The following TTN variants were observed in gnomAD, a reference collection of about 807,000 sequenced individuals.
TTN encodes titin.
TTN carries 1,525 observed loss-of-function variants against 3,223.0 expected under a neutral mutation model. The ratio of observed to expected loss-of-function variants is 0.47; its 90% CI spans 0.45 to 0.49. The LOEUF is 0.49. Ranked by LOEUF, TTN falls within the 20% of genes least tolerant of loss-of-function variation. The pLI is 0.00. For missense variants in TTN, 40,786 were observed against 43,424.0 expected, an observed-to-expected ratio of 0.94 and a Z score of 5.40; for synonymous variants, 14,094 against 15,161.0, an observed-to-expected ratio of 0.93 and a Z score of 5.17.
chr2:178,582,453 G>T lies in TTN; in HGVS notation c.66003C>A (p.Pro22001=). The part of the protein sequence containing the change: ...YIVDKRETSR[P]NWAQVSATVP... ...CAGTTGCAGAGACTTGAGCCCAGTTGGGCCTGCTTGTTTCACGTTTGTCAA... is the reference window on the plus strand; with the variant it reads ...CAGTTGCAGAGACTTGAGCCCAGTTTGGCCTGCTTGTTTCACGTTTGTCAA... Residue 22001 remains proline, a synonymous_variant, in exon 314 of 363, where the codon CCC becomes CCA. Coordinates refer to ENST00000589042, the MANE Select transcript of TTN (RefSeq NM_001267550.2). 4 of 1,612,956 alleles carry T rather than the reference G, an allele frequency of 2.5e-6. No individual in the cohort carries two copies. Among genetic ancestry groups the T allele is most frequent in the Non-Finnish European group, 3.4e-6 (4 of 1,179,376 alleles).
chr2:178,609,593 A>G lies in TTN; in HGVS notation c.51740-23T>C, dbSNP rs2288567. The stretch of plus-strand genomic sequence containing the variant: ...CATCTATAGTGATCATAACCAATAA[A>G]TGTTTTCAATTCTGATGAAAATAAC... On this transcript the variant is annotated intron_variant, in intron 272 of 362. Transcript: ENST00000589042. 3.7e-4 allele frequency: 586 copies of G among 1,565,312 alleles called. 6 individuals carry two copies. The East Asian group carries it at 0.013, about 34-fold the overall frequency.
intron 138 of TTN, 117 bp from the exon 139 acceptor site, chr2:178,680,448 T>G (rs2069110145): frequency 2.4e-6 from 2 of 828,802 alleles, no homozygotes; most frequent in Non-Finnish European, 4.0e-6. Flanking sequence ...GAGATACATA[T>G]GCGATTGTTC....
rs763417291 is a variant in TTN, at chr2:178,652,200, T to C, written c.39212-21A>G. The C allele has an allele frequency of 8.7e-6, 14 of 1,612,194 alleles. No individual in the cohort carries two copies. The East Asian group carries it at 3.1e-4, about 36-fold the overall frequency. The stretch of plus-strand genomic sequence containing the variant: ...TGGGACTTTAAAAGATATTATTATT[T>C]TCATTGTTAGACAAAGTAAAGACAA... On this transcript the variant is annotated intron_variant, in intron 203 of 362. Transcript: ENST00000589042.
intron 121 of TTN, among the ~76,000 whole-genome samples, chr2:178,691,013 A>G (rs2072271593): frequency 6.6e-6 from 1 of 152,196 alleles, no homozygotes; most frequent in Admixed American, 6.5e-5. Flanking sequence ...ATCTAAGACG[A>G]TCTGTCTCAA....
chr2:178,746,717 C>A (rs558321877), intron 47 of TTN: 2 of 1,613,416 alleles, frequency 1.2e-6, no homozygotes, highest in African/African-American at 1.3e-5. Context: ...CATTTTGATT[C>A]TTTCATCTGG....
rs1384723170 is a variant in TTN at position 178,546,421 on chromosome 2, G to A, written c.94910C>T (p.Ala31637Val). The A allele has an allele frequency of 7.4e-6, 12 of 1,613,626 alleles. No individual in the cohort carries two copies. The highest frequency in any genetic ancestry group is 9.3e-6 in the Non-Finnish European group (11 of 1,179,758). ...GGGTTCAGGTTTGCCACCAACTGCA[G>A]CATCCAGAACAAGATCAGAACCTGC... ...IRAGSDLVLD[A>V]AVGGKPEPKI... is the part of the protein sequence containing the mutation. Residue 31637 changes from alanine (A) to valine (V), a missense_variant, in exon 342 of 363, where the codon GCT becomes GTT. Coordinates refer to ENST00000589042, the MANE Select transcript of TTN (RefSeq NM_001267550.2).
At chr2:178,772,281 T>A (rs2091631569) in intron 33 of TTN, among the ~76,000 whole-genome samples, 1 of 152,190 alleles carries the variant, frequency 6.6e-6, no homozygotes, top group Non-Finnish European at 1.5e-5. Flanking sequence ...TCTTATAACG[T>A]AAGTAAGTAT....
chr2:178,714,529 C>T lies in TTN; in HGVS notation c.26245G>A (p.Val8749Ile), dbSNP rs16866457. 4,865 of 1,612,974 alleles carry T rather than the reference C, an allele frequency of 3.0e-3. 91 individuals are homozygous for T. In the African/African-American group the frequency reaches 0.042, roughly 14 times the overall value. The change falls in exon 91 of 363, where the codon GTT (valine) becomes ATT (isoleucine). Residue 8749 changes from valine to isoleucine, a missense_variant. Val to Ile is a conservative substitution (Grantham distance 29). Transcript: ENST00000589042. Reference sequence around the variant, plus strand: ...GTCTGCAGCTGAACTTCTTTACCAACGACAGTAGATATGTCACTGAGCTTC... The same window carrying T: ...GTCTGCAGCTGAACTTCTTTACCAATGACAGTAGATATGTCACTGAGCTTC... ...VKKLSDISTVVGKEVQLQTTI... is the reference protein window; with the variant it reads ...VKKLSDISTVIGKEVQLQTTI...
In TTN at chr2:178,547,465, G is replaced by A. The variant is rs1252079185; in HGVS notation, c.94161C>T (p.Asn31387=). The A allele has an allele frequency of 6.2e-7, 1 of 1,612,016 alleles. No individual in the cohort carries two copies. The highest frequency in any genetic ancestry group is 8.5e-7 in the Non-Finnish European group (1 of 1,178,844). The change falls in exon 339 of 363, where the codon AAC becomes AAT. Residue 31387 remains asparagine (N), a synonymous_variant. Coordinates refer to ENST00000589042, the MANE Select transcript of TTN (RefSeq NM_001267550.2). ...CTAGAGGTTTGCTGACACCAAATCT[G>A]TTCTCTGAACTGACACGGAAAGAAT... ...MEYSFRVSSE[N]RFGVSKPLES...
At chr2:178,644,802 C>A in intron 217 of TTN, 186 bp from the exon 218 acceptor site, 3 of 480,236 alleles carry the variant, frequency 6.2e-6, no homozygotes, top group Non-Finnish European at 1.1e-5. Flanking sequence ...CAGTTTTACT[C>A]CAAAGTTCAG....
At position 178,741,418 on chromosome 2, in the gene TTN, G is replaced by A; in HGVS notation, c.11815C>T (p.His3939Tyr). The A allele has an allele frequency of 6.2e-7, 1 of 1,613,912 alleles. No individual in the cohort carries two copies. The highest frequency in any genetic ancestry group is 1.1e-5 in the South Asian group (1 of 91,080). Residue 3939 changes from histidine to tyrosine, a missense_variant, in exon 48 of 363, where the codon CAC (histidine) becomes TAC (tyrosine). By Grantham distance (83) the His-to-Tyr change is moderately conservative. Coordinates refer to ENST00000589042, the MANE Select transcript of TTN (RefSeq NM_001267550.2). ...ATTGGTTTTAACTCCTTAAGGAAGT[G>A]AGGAGGACAAGGACCTCCCAGCTTT... ...LEKLGGPCPP[H>Y]FLKELKPIRC...
chr2:178,587,781 C>A lies in TTN; in HGVS notation c.63528G>T (p.Leu21176Phe). The change falls in exon 306 of 363, where the codon TTG (leucine) becomes TTT (phenylalanine). Residue 21176 changes from leucine to phenylalanine, a missense_variant. Coordinates refer to ENST00000589042, the MANE Select transcript of TTN (RefSeq NM_001267550.2). ...KEILEPPEID[L>F]DASMRKLVIV... ...TGACCAGTTTCCTCATGCTGGCATC[C>A]AAATCAATCTCCGGAGGTTCTGCAA... 1 of 1,602,928 alleles carries A rather than the reference C, an allele frequency of 6.2e-7. No homozygotes were observed. Among genetic ancestry groups the A allele is most frequent in the Non-Finnish European group, 8.5e-7 (1 of 1,173,528 alleles).
At position 178,722,558 on chromosome 2, in the gene TTN, CAT is replaced by C. The variant is rs1384167621; in HGVS notation, c.22241-14_22241-13del. 28 of 1,605,460 alleles carry C rather than the reference CAT, an allele frequency of 1.7e-5. No individual in the cohort carries two copies. Among genetic ancestry groups the C allele is most frequent in the Non-Finnish European group, 2.4e-5 (28 of 1,175,398 alleles). Reference sequence around the variant, plus strand: ...TGGGAGTTGGCGCTCTGTAGGGAGACATGTAATACTTAAGGTGTTAGGAGATG... The same window carrying C: ...TGGGAGTTGGCGCTCTGTAGGGAGACGTAATACTTAAGGTGTTAGGAGATG... On this transcript the variant is annotated splice_polypyrimidine_tract_variant and intron_variant, in intron 76 of 362. Coordinates refer to ENST00000589042, the MANE Select transcript of TTN (RefSeq NM_001267550.2).
In TTN at chr2:178,794,404, C is replaced by T. The variant is rs1313233245; in HGVS notation, c.1393G>A (p.Glu465Lys). Reference protein sequence around the residue: ...TTAVHIQPAQEQVRKEAEKTA... With the variant: ...TTAVHIQPAQKQVRKEAEKTA... ...CATGGCAGCCTCGCACGTACCTGTT[C>T]TTGAGCAGGTTGGATGTGCACAGCA... The change falls in exon 8 of 363, where the codon GAA (glutamate) becomes AAA (lysine). Residue 465 changes from glutamate (E) to lysine (K), a missense_variant. Transcript: ENST00000589042. 1 of 1,614,160 alleles carries T rather than the reference C, an allele frequency of 6.2e-7. No homozygotes were observed. The highest frequency in any genetic ancestry group is 8.5e-7 in the Non-Finnish European group (1 of 1,180,016).
chr2:178,639,883 A>G (rs2061000509), intron 222 of TTN, 95 bp from the exon 223 acceptor site: 4 of 1,444,638 alleles, frequency 2.8e-6, no homozygotes, highest in Non-Finnish European at 3.8e-6. Context: ...TAATTTTGAA[A>G]TCTTCAAATA....
chr2:178,746,912 C>G (rs150492317), intron 47 of TTN: 1 of 1,613,300 alleles, frequency 6.2e-7, no homozygotes, highest in Non-Finnish European at 8.5e-7. Context: ...TGAATCGGAA[C>G]GCCATATTTC....
At position 178,727,203 on chromosome 2, in the gene TTN, GAGTCAATGAA is replaced by G; in HGVS notation, c.20152_20161del (p.Phe6718GlnfsTer7). On this transcript the variant is annotated frameshift_variant, in exon 69 of 363. Transcript: ENST00000589042. LOFTEE classifies it high-confidence loss of function. ...ATTGTTCATCTGTATGACGGCCACT[GAGTCAATGAA>G]AGTCATTCTGTACTTATCACTGGCT... 2 of 1,613,234 alleles carry G rather than the reference GAGTCAATGAA, an allele frequency of 1.2e-6. No individual in the cohort carries two copies. The highest frequency in any genetic ancestry group is 1.7e-6 in the Non-Finnish European group (2 of 1,179,432).
In TTN at chr2:178,640,540, C is replaced by A. The variant is rs371770198; in HGVS notation, c.40723+1G>T. 3.7e-6 allele frequency: 6 copies of A among 1,600,942 alleles called. No individual in the cohort carries two copies. The African/African-American group carries it at 4.1e-5, about 11-fold the overall frequency. ...AACTAAGAATGACAGTAGATTTGTA[C>A]CTTTTGTTGGTTCAGGAATCTTCCT... On this transcript the variant is annotated splice_donor_variant, in intron 221 of 362. Coordinates refer to ENST00000589042, the MANE Select transcript of TTN (RefSeq NM_001267550.2). LOFTEE classifies it high-confidence loss of function.
Position 178,694,820 on chromosome 2 carries a change from A to G in TTN, c.31348+9T>C, listed in dbSNP as rs1163916390. 4 of 1,553,190 alleles carry G rather than the reference A, an allele frequency of 2.6e-6. No homozygotes were observed. Among genetic ancestry groups the G allele is most frequent in the African/African-American group, 1.4e-5 (1 of 73,522 alleles). Reference sequence around the variant, plus strand: ...TGTACATGGGTGCTAGGAATGTTTTAAATAATACCTTTGGTGACTTGAACT... The same window carrying G: ...TGTACATGGGTGCTAGGAATGTTTTGAATAATACCTTTGGTGACTTGAACT... On this transcript the variant is annotated intron_variant, in intron 116 of 362. Transcript: ENST00000589042.
Sources: gnomAD v4.1 joint callset for allele counts (sites outside exome capture counted in the v4.1 genomes callset) on GRCh38, gnomAD v4.1.1 for gene constraint, MANE v1.5 for transcripts, NCBI Gene and HGNC (gene_info 2026-07-23, HGNC 2026-07-21) for gene names.